CACNA1D: variants seen among roughly 807,000 people sequenced by gnomAD.
The protein encoded by CACNA1D is calcium voltage-gated channel subunit alpha1 D, also known as voltage-dependent L-type calcium channel subunit alpha-1D.
In CACNA1D, 55 loss-of-function variants were observed where a neutral mutation model predicts 257.1. The observed-to-expected ratio is 0.21, with a 90% CI of 0.17 to 0.27. The LOEUF is 0.27. Among genes scored for constraint, CACNA1D ranks in the 10% least tolerant of loss-of-function variants. CACNA1D has a pLI of 1.00. For missense variants in CACNA1D, 1,876 were observed against 2,784.0 expected (o/e 0.67, Z 7.34); for synonymous variants, 980 against 1,014.9 (o/e 0.97, Z 0.65).
chr3:53,582,546 A>G (rs1403821320), intron 3 of CACNA1D, among the ~76,000 whole-genome samples: 1 of 152,030 alleles, frequency 6.6e-6, no homozygotes, highest in Non-Finnish European at 1.5e-5. Context: ...ACATTTGGAG[A>G]TTGCAGGAGA....
intron 29 of CACNA1D, among the ~76,000 whole-genome samples, chr3:53,755,731 A>G (rs2095259995): frequency 6.6e-6 from 1 of 152,076 alleles, no homozygotes; most frequent in African/African-American, 2.4e-5. Flanking sequence ...GGTTGAGTTT[A>G]TATCGTGTGC....
At chr3:53,771,690 T>A (rs2095367156) in intron 32 of CACNA1D, among the ~76,000 whole-genome samples, 1 of 152,266 alleles carries the variant, frequency 6.6e-6, no homozygotes, top group Non-Finnish European at 1.5e-5. Context: ...TCAGAGGTAA[T>A]GTTATCTCAC....
In CACNA1D at chr3:53,723,751, G is replaced by A; in HGVS notation, c.1893-41G>A. 6.3e-7 allele frequency: 1 copy of A among 1,587,626 alleles called. No homozygotes were observed. The highest frequency in any genetic ancestry group is 8.7e-7 in the Non-Finnish European group (1 of 1,155,864). ...GGCAGGTGATGTTCTGCTCTGTCCT[G>A]CATGGGTGTTCTGAGCTGACACCCT... On this transcript the variant is annotated intron_variant, in intron 13 of 47. Transcript: ENST00000350061. This position sits in a 1 kb window ranked among gnomAD's most constrained non-coding sequence, Gnocchi z 5.6.
chr3:53,586,771 C>T (rs138261086), intron 3 of CACNA1D, among the ~76,000 whole-genome samples: 32 of 152,322 alleles, frequency 2.1e-4, no homozygotes, highest in Middle Eastern at 6.8e-3. Context: ...TACTAGCCCC[C>T]TGGAAAACAA....
At chr3:53,651,945 C>T (rs1441929762) in intron 4 of CACNA1D, among the ~76,000 whole-genome samples, 1 of 152,058 alleles carries the variant, frequency 6.6e-6, no homozygotes, top group Non-Finnish European at 1.5e-5. Context: ...TAGGTCCTTT[C>T]AACCTAGGAA....
intron 3 of CACNA1D, among the ~76,000 whole-genome samples, chr3:53,589,919 C>G (rs1431061508): frequency 6.6e-6 from 1 of 152,222 alleles, no homozygotes; most frequent in African/African-American, 2.4e-5. Context: ...GAACCTCTAA[C>G]TTAGTGTGCT....
chr3:53,514,133 A>G (rs998526885), intron 3 of CACNA1D, among the ~76,000 whole-genome samples: 5 of 152,006 alleles, frequency 3.3e-5, no homozygotes, highest in African/African-American at 1.2e-4. Context: ...AAAAATCCTC[A>G]TTTTACAGGT....
chr3:53,802,260 C>T (rs2095540056), intron 43 of CACNA1D, 87 bp downstream of exon 43: 1 of 1,030,100 alleles, frequency 9.7e-7, no homozygotes, highest in African/African-American at 1.6e-5. Context: ...ATGAGAAACA[C>T]TTCTTTGAGC....
At chr3:53,537,374 T>C (rs2092145037) in intron 3 of CACNA1D, among the ~76,000 whole-genome samples, 2 of 152,188 alleles carry the variant, frequency 1.3e-5, no homozygotes, top group Admixed American at 6.5e-5. Context: ...GCCAATCTTA[T>C]TTAATTTGTG....
At chr3:53,645,366 A>G (rs902155891) in intron 3 of CACNA1D, among the ~76,000 whole-genome samples, 1 of 152,202 alleles carries the variant, frequency 6.6e-6, no homozygotes, top group African/African-American at 2.4e-5. Flanking sequence ...CTGTGCTTAC[A>G]GACTCATATC....
intron 3 of CACNA1D, among the ~76,000 whole-genome samples, chr3:53,609,702 T>TG (rs1274501500): frequency 1.3e-5 from 2 of 152,194 alleles, no homozygotes; most frequent in Admixed American, 6.5e-5. Flanking sequence ...TCGTTGATGT[T>TG]GAAAAAACCA....
intron 3 of CACNA1D, among the ~76,000 whole-genome samples, chr3:53,527,487 G>A (rs752782373): frequency 9.2e-5 from 14 of 152,210 alleles, no homozygotes; most frequent in Non-Finnish European, 1.8e-4. Flanking sequence ...GCATGAAATA[G>A]CATTAAGTCA....
At chr3:53,772,787 C>A in intron 32 of CACNA1D, 46 bp from the exon 33 acceptor site, 1 of 1,511,766 alleles carries the variant, frequency 6.6e-7, no homozygotes, top group South Asian at 1.1e-5. Context: ...CGGGCCGTCA[C>A]GGGGACAGCC....
intron 3 of CACNA1D, among the ~76,000 whole-genome samples, chr3:53,579,423 T>C (rs1428372216): frequency 1.3e-5 from 2 of 152,194 alleles, no homozygotes; most frequent in Non-Finnish European, 2.9e-5. Flanking sequence ...CTTGTTATTA[T>C]AGGGCACCCC....
chr3:53,573,655 A>G (rs980383119), intron 3 of CACNA1D, among the ~76,000 whole-genome samples: 3 of 152,164 alleles, frequency 2.0e-5, no homozygotes, highest in Non-Finnish European at 2.9e-5. Flanking sequence ...CTAGAATGAC[A>G]TCTCCATGAG....
At chr3:53,702,504 C>T (rs2094636914) in intron 8 of CACNA1D, 137 bp from the exon 9 acceptor site, 3 of 792,428 alleles carry the variant, frequency 3.8e-6, no homozygotes, top group Non-Finnish European at 6.5e-6. Context: ...AAGTGTGTGG[C>T]TCCATTGCTG....
chr3:53,555,155 C>T (rs1445898229), intron 3 of CACNA1D, among the ~76,000 whole-genome samples: 1 of 152,114 alleles, frequency 6.6e-6, no homozygotes, highest in Non-Finnish European at 1.5e-5. Context: ...CATGAGGATG[C>T]CATAACCAAA....
At chr3:53,711,826 C>G (rs2094759822) in intron 9 of CACNA1D, among the ~76,000 whole-genome samples, 1 of 152,146 alleles carries the variant, frequency 6.6e-6, no homozygotes, top group Non-Finnish European at 1.5e-5. Context: ...TGTCATTCAG[C>G]ACGTTGTGGA....
intron 8 of CACNA1D, among the ~76,000 whole-genome samples, chr3:53,681,725 G>T (rs564351905): frequency 1.3e-5 from 2 of 152,180 alleles, no homozygotes; most frequent in Admixed American, 1.3e-4. Flanking sequence ...TTACAAACTC[G>T]TATAAATGCT....
Sources: allele counts gnomAD v4.1 joint callset (sites outside exome capture counted in the v4.1 genomes callset), GRCh38; gene constraint gnomAD v4.1.1; non-coding constraint Gnocchi (gnomAD v3.1); transcripts MANE v1.5; gene names NCBI Gene and HGNC (gene_info 2026-07-23, HGNC 2026-07-21).